Variants in FASN observed in about 807,000 individuals in gnomAD.
FASN encodes 3-hydroxyacyl-[acyl-carrier-protein] dehydratase.
Under a neutral mutation model 250.0 loss-of-function variants are expected in FASN, and 50 were observed. The observed-to-expected ratio is 0.20, with a 90% CI of 0.16 to 0.25. The LOEUF (loss-of-function observed/expected upper bound fraction) is 0.25. Among genes scored for constraint, FASN ranks in the 10% least tolerant of loss-of-function variants. The pLI, the probability that FASN is intolerant of heterozygous loss-of-function variation, is 1.00. For missense variants in FASN, 3,031 were observed against 3,498.5 expected (o/e 0.87, Z 3.37); for synonymous variants, 1,909 against 1,584.0 (o/e 1.21, Z -4.87).
At position 82,082,942 on chromosome 17, in the gene FASN, C is replaced by T; in HGVS notation, c.5739G>A (p.Val1913=). Residue 1913 remains valine, a synonymous_variant, in exon 33 of 43, where the codon GTG becomes GTA. Coordinates refer to ENST00000306749, the MANE Select transcript of FASN (RefSeq NM_004104.5). The part of the protein sequence containing the change: ...WLIQRGVQKL[V]LTSRSGIRTG... Reference sequence around the variant, plus strand: ...TCCGGATCCCGGAGCGAGAAGTCAACACGAGCTTCTGCACCCCACGCTGTA... The same window carrying T: ...TCCGGATCCCGGAGCGAGAAGTCAATACGAGCTTCTGCACCCCACGCTGTA... 6.2e-7 allele frequency: 1 copy of T among 1,612,810 alleles called. No individual in the cohort carries two copies. The highest frequency in any genetic ancestry group is 2.2e-5 in the East Asian group (1 of 44,882).
Position 82,083,226 on chromosome 17 carries a change from C to T in FASN, c.5541G>A (p.Lys1847=). The T allele has an allele frequency of 6.2e-7, 1 of 1,612,766 alleles. No homozygotes were observed. The highest frequency in any genetic ancestry group is 8.5e-7 in the Non-Finnish European group (1 of 1,179,998). The change falls in exon 32 of 43, where the codon AAG becomes AAA. Residue 1847 remains lysine, a synonymous_variant. Transcript: ENST00000306749. ...CCTGCACGACGACTTTGCCAATGTG[C>T]TTCCCTTGGGCCATGTAGCGGAAGG... ...EDAFRYMAQG[K]HIGKVVVQVL...
At position 82,096,344 on chromosome 17, in the gene FASN, C is replaced by G. The variant is rs748255121; in HGVS notation, c.102G>C (p.Thr34=). ...DNLIGGVDMV[T]DDDRRWKAGL... ...CCGCCTTCCAGCGACGGTCATCGTC[C>G]GTGACCATGTCCACACCGCCGATGA... The change falls in exon 2 of 43, where the codon ACG becomes ACC. Residue 34 remains threonine, a synonymous_variant. Transcript: ENST00000306749. The G allele has an allele frequency of 6.2e-7, 1 of 1,612,720 alleles. No individual in the cohort carries two copies. The highest frequency in any genetic ancestry group is 1.3e-5 in the African/African-American group (1 of 74,954).
At chr17:82,095,296 A>G in intron 3 of FASN, 24 bp downstream of exon 3, 5 of 1,612,056 alleles carry the variant, frequency 3.1e-6, no homozygotes, top group Non-Finnish European at 3.4e-6. Flanking sequence ...CCCTCGGCGC[A>G]GCAGTCGCGA....
chr17:82,093,720 A>G lies in FASN; in HGVS notation c.332T>C (p.Val111Ala), dbSNP rs762741884. ...RGTHTGVWVGVSGSETSEALS... is the reference protein window; with the variant it reads ...RGTHTGVWVGASGSETSEALS... The stretch of plus-strand genomic sequence containing the variant: ...GGCCTCCGAGGTCTCAGAGCCGCTC[A>G]CGCCCACCCAGACGCCAGTGTGTGT... Residue 111 changes from valine to alanine, a missense_variant, in exon 4 of 43, where the codon GTG becomes GCG. Coordinates refer to ENST00000306749, the MANE Select transcript of FASN (RefSeq NM_004104.5). 1 of 1,612,616 alleles carries G rather than the reference A, an allele frequency of 6.2e-7. No individual in the cohort carries two copies. The highest frequency in any genetic ancestry group is 1.1e-5 in the South Asian group (1 of 91,064).
In FASN at chr17:82,084,331, C is replaced by T. The variant is rs201286356; in HGVS notation, c.4822G>A (p.Ala1608Thr). The change falls in exon 28 of 43, where the codon GCC becomes ACC. Residue 1608 changes from alanine (A) to threonine (T), a missense_variant. By Grantham distance (58) the Ala-to-Thr change is moderately conservative. Transcript: ENST00000306749. ...LLGMEFSGRD[A>T]SGKRVMGLVP... ...AGTCCCATCACACGCTTGCCGCTGG[C>T]GTCTCGGCCCGAGAACTCCATACCT... 3.7e-6 allele frequency: 6 copies of T among 1,609,098 alleles called. No individual in the cohort carries two copies. The highest frequency in any genetic ancestry group is 3.3e-5 in the South Asian group (3 of 90,336).
Position 82,086,536 on chromosome 17 carries a change from G to C in FASN, c.3450C>G (p.Thr1150=), listed in dbSNP as rs2034105186. The C allele has an allele frequency of 6.2e-7, 1 of 1,611,708 alleles. No individual in the cohort carries two copies. ...LCKGLVQALQ[T]KVTQQGLKMV... is the part of the protein sequence containing the mutation. ...TCTTCAGCCCCTGCTGGGTCACCTTGGTCTGCAGTGCCTGCACCAGCCCTG... is the reference window on the plus strand; with the variant it reads ...TCTTCAGCCCCTGCTGGGTCACCTTCGTCTGCAGTGCCTGCACCAGCCCTG... Residue 1150 remains threonine (T), a synonymous_variant, in exon 22 of 43, where the codon ACC becomes ACG. Transcript: ENST00000306749.
At chr17:82,094,103 C>A in intron 3 of FASN, 1 of 436,202 alleles carries the variant, frequency 2.3e-6, no homozygotes, top group Non-Finnish European at 4.3e-6. Context: ...GCAGCATTGT[C>A]CCCAGGCGAC....
chr17:82,089,196 C>T (rs2034159001), intron 13 of FASN, 24 bp from the exon 14 acceptor site: 6 of 1,600,858 alleles, frequency 3.7e-6, no homozygotes, highest in South Asian at 1.1e-5. Context: ...CAGGTCAGTG[C>T]TGGGTTGTGG....
rs142766883 is a variant in FASN at position 82,082,961 on chromosome 17, C to T, written c.5720G>A (p.Arg1907His). ...GLELAQWLIQ[R>H]GVQKLVLTSR... Reference sequence around the variant, plus strand: ...AGTCAACACGAGCTTCTGCACCCCACGCTGTATCAGCCACTGCGCCAACTC... The same window carrying T: ...AGTCAACACGAGCTTCTGCACCCCATGCTGTATCAGCCACTGCGCCAACTC... Residue 1907 changes from arginine (R) to histidine (H), a missense_variant, in exon 33 of 43, where the codon CGT (arginine) becomes CAT (histidine). By Grantham distance (29) the Arg-to-His change is conservative. Transcript: ENST00000306749. The T allele has an allele frequency of 3.0e-5, 49 of 1,612,724 alleles. No individual in the cohort carries two copies. The highest frequency in any genetic ancestry group is 6.7e-5 in the East Asian group (3 of 44,898).
Position 82,093,199 on chromosome 17 carries a change from C to A in FASN, c.655+20G>T. 1 of 1,559,914 alleles carries A rather than the reference C, an allele frequency of 6.4e-7. No homozygotes were observed. Among genetic ancestry groups the A allele is most frequent in the African/African-American group, 1.4e-5 (1 of 73,846 alleles). On this transcript the variant is annotated intron_variant, in intron 5 of 42. Coordinates refer to ENST00000306749, the MANE Select transcript of FASN (RefSeq NM_004104.5). ...TGTGCCACTGTCCCGCCTGCCCTGG[C>A]CGCGCAGCCGCACACTCACCCGCTG...
At position 82,087,156 on chromosome 17, in the gene FASN, C is replaced by T. The variant is rs768158561; in HGVS notation, c.3321G>A (p.Gln1107=). ...LHTESAPRRQ[Q]EQQVPILEKF... Reference sequence around the variant, plus strand: ...TCTCCAGGATGGGCACCTGCTGCTCCTGCTGCCGCCGCGGGGCCGACTCAG... The same window carrying T: ...TCTCCAGGATGGGCACCTGCTGCTCTTGCTGCCGCCGCGGGGCCGACTCAG... Residue 1107 remains glutamine, a synonymous_variant, in exon 21 of 43, where the codon CAG becomes CAA. Transcript: ENST00000306749. The T allele has an allele frequency of 6.2e-6, 10 of 1,610,550 alleles. No individual in the cohort carries two copies. In the African/African-American group the frequency reaches 9.3e-5, roughly 15 times the overall value.
At chr17:82,079,856 T>C (rs1355279034) in intron 41 of FASN, 1 of 634,496 alleles carries the variant, frequency 1.6e-6, no homozygotes, top group Non-Finnish European at 2.7e-6. Context: ...TATAGGTGAG[T>C]GCCACCATGC....
chr17:82,080,029 G>T, intron 41 of FASN, 111 bp downstream of exon 41: 2 of 1,183,588 alleles, frequency 1.7e-6, no homozygotes, highest in Non-Finnish European at 2.5e-6. Flanking sequence ...TTAAAGGGGT[G>T]AAGTTGGGGG....
chr17:82,091,807 T>C lies in FASN; in HGVS notation c.1030-123A>G. On this transcript the variant is annotated intron_variant, in intron 8 of 42. Coordinates refer to ENST00000306749, the MANE Select transcript of FASN (RefSeq NM_004104.5). Reference sequence around the variant, plus strand: ...GGTTCCAGGGCCCTCTCCGATGCACTTCCTGTCCCCAACCTAATTCTGCCA... The same window carrying C: ...GGTTCCAGGGCCCTCTCCGATGCACCTCCTGTCCCCAACCTAATTCTGCCA... 5 of 873,426 alleles carry C rather than the reference T, an allele frequency of 5.7e-6. No individual in the cohort carries two copies. In the South Asian group the frequency reaches 8.8e-5, roughly 15 times the overall value. The allele number at this position is 873,426 out of a possible 1,614,324, so 54.1% of individuals were successfully genotyped here. A position where few individuals can be genotyped will look rare whatever the true frequency, so the allele number is the denominator to read the frequency against.
At chr17:82,083,733 C>T (rs1163754898) in intron 30 of FASN, 39 bp downstream of exon 30, 1 of 1,610,418 alleles carries the variant, frequency 6.2e-7, no homozygotes, top group African/African-American at 1.3e-5. Context: ...GGGCCGGAGG[C>T]TAGGCAGGAG....
In FASN at chr17:82,085,538, T is replaced by C. The variant is rs1367537513; in HGVS notation, c.4066A>G (p.Ile1356Val). ...TCAGTGGAGGTGAGGAAGGCCACGA[T>C]GTCCCCGAGGGGGTGCCCCCGGAGC... ...TLLRGHPLGD[I>V]VAFLTSTEPQ... Residue 1356 changes from isoleucine to valine, a missense_variant, in exon 23 of 43, where the codon ATC becomes GTC. Coordinates refer to ENST00000306749, the MANE Select transcript of FASN (RefSeq NM_004104.5). 4.4e-6 allele frequency: 7 copies of C among 1,596,390 alleles called. No individual in the cohort carries two copies. The Admixed American group carries it at 1.0e-4, about 24-fold the overall frequency.
At position 82,091,402 on chromosome 17, in the gene FASN, G is replaced by C; in HGVS notation, c.1312C>G (p.Leu438Val). 1 of 1,610,448 alleles carries C rather than the reference G, an allele frequency of 6.2e-7. No homozygotes were observed. The highest frequency in any genetic ancestry group is 8.5e-7 in the Non-Finnish European group (1 of 1,179,064). ...TGGCTGTGCCGGAGGCCCTGCTCCA[G>C]CAGCTTCTGCACGGCCTCAGGGGTG... is the stretch of plus-strand genomic sequence containing the variant. ...GRTPEAVQKL[L>V]EQGLRHSQDL... Residue 438 changes from leucine to valine, a missense_variant, in exon 9 of 43, where the codon CTG becomes GTG. Leu to Val is a conservative substitution (Grantham distance 32). Transcript: ENST00000306749.
rs1000499781 is a variant in FASN at position 82,086,297 on chromosome 17, G to A, written c.3689C>T (p.Thr1230Ile). 21 of 1,595,466 alleles carry A rather than the reference G, an allele frequency of 1.3e-5. No individual in the cohort carries two copies. The highest frequency in any genetic ancestry group is 1.8e-5 in the Non-Finnish European group (21 of 1,176,026). Residue 1230 changes from threonine to isoleucine, a missense_variant, in exon 22 of 43, where the codon ACT (threonine) becomes ATT (isoleucine). Coordinates refer to ENST00000306749, the MANE Select transcript of FASN (RefSeq NM_004104.5). ...DSPALKACLD[T>I]AVENMPSLKM... is the part of the protein sequence containing the mutation. ...CAGGCTGGGCATGTTCTCCACGGCA[G>A]TGTCCAGGCAGGCCTTGAGTGCCGG...
In FASN at chr17:82,096,361, C is replaced by A. The variant is rs762641757; in HGVS notation, c.85G>T (p.Gly29Cys). The change falls in exon 2 of 43, where the codon GGT (glycine) becomes TGT (cysteine). Residue 29 changes from glycine to cysteine, a missense_variant. Transcript: ENST00000306749. ...TCATCGTCCGTGACCATGTCCACACCGCCGATGAGGTTGTCCCAGAACTCC... is the reference window on the plus strand; with the variant it reads ...TCATCGTCCGTGACCATGTCCACACAGCCGATGAGGTTGTCCCAGAACTCC... ...LQEFWDNLIG[G>C]VDMVTDDDRR... 1 of 1,612,994 alleles carries A rather than the reference C, an allele frequency of 6.2e-7. No homozygotes were observed. The highest frequency in any genetic ancestry group is 8.5e-7 in the Non-Finnish European group (1 of 1,179,988).
Sources: allele counts gnomAD v4.1 joint callset, GRCh38; gene constraint gnomAD v4.1.1; transcripts MANE v1.5; gene names NCBI Gene and HGNC (gene_info 2026-07-23, HGNC 2026-07-21).